Variants in CGREF1 observed in about 807,000 individuals in gnomAD.
CGREF1 encodes cell growth regulator with EF hand domain protein 1.
A neutral mutation model predicts 17.4 loss-of-function variants in CGREF1; 16 were observed. The ratio of observed to expected loss-of-function variants is 0.92; its 90% CI spans 0.62 to 1.40. The LOEUF (loss-of-function observed/expected upper bound fraction) is 1.40. CGREF1 is among the 40% of genes most tolerant of loss of function. The pLI is 0.00. For missense variants in CGREF1, 296 were observed against 376.4 expected, an observed-to-expected ratio of 0.79 and a Z score of 1.77; for synonymous variants, 142 against 154.6, an observed-to-expected ratio of 0.92 and a Z score of 0.61.
rs1405939174 is a variant in CGREF1 at position 27,101,325 on chromosome 2, G to A, written c.906C>T (p.Thr302=). 3 of 1,598,386 alleles carry A rather than the reference G, an allele frequency of 1.9e-6. No homozygotes were observed. The highest frequency in any genetic ancestry group is 2.2e-5 in the South Asian group (2 of 89,124). Residue 302 remains threonine (T), a synonymous_variant, in exon 6 of 6, where the codon ACC becomes ACT. Coordinates refer to ENST00000402394, the MANE Select transcript of CGREF1 (RefSeq NM_006569.6). ...LPGETLESKN[T]QNDFEVHIVQ... ...CAATGTGCACCTCAAAGTCATTTTG[G>A]GTGTTCTTAGACTCCAGTGTTTCCC...
chr2:27,116,907 CTCTCTCTCTCTCTCTCTT>C (rs1558466924), intron 1 of CGREF1, among the ~76,000 whole-genome samples: 1 of 116,230 alleles, frequency 8.6e-6, no homozygotes, highest in African/African-American at 3.3e-5. Context: ...CTCTCTCTCT[CTCTCTCTCTCTCTCTCTT>C]TTTTTGAGAC....
intron 1 of CGREF1, chr2:27,104,604 C>A: frequency 6.4e-7 from 1 of 1,550,616 alleles, no homozygotes; most frequent in Non-Finnish European, 8.7e-7. Context: ...TAAAGGCAGG[C>A]CTGCTGTGGC....
At chr2:27,099,707 C>A (rs1222467402), downstream of CGREF1, 5 of 1,613,966 alleles carry the variant, frequency 3.1e-6, no homozygotes. Context: ...TGCCAGGTGG[C>A]CGGCAAGAAG....
intron 1 of CGREF1, among the ~76,000 whole-genome samples, chr2:27,115,547 G>A (rs1194853294): frequency 6.6e-6 from 1 of 152,100 alleles, no homozygotes; most frequent in Non-Finnish European, 1.5e-5. Context: ...TAATATACAA[G>A]CCTTTTAGTG....
chr2:27,100,295 G>A (rs1055959708), downstream of CGREF1: 7 of 509,764 alleles, frequency 1.4e-5, no homozygotes, highest in African/African-American at 9.9e-5. Context: ...CCAGTGGGGG[G>A]CAGGGGTGCG....
chr2:27,100,253 G>A (rs1670731663), downstream of CGREF1: 3 of 391,524 alleles, frequency 7.7e-6, no homozygotes, highest in South Asian at 6.1e-5. Context: ...CTCAGAAGCT[G>A]GGAGTCCACA....
Position 27,101,068 on chromosome 2 carries a change from G to GT in CGREF1, c.*205_*206insA, listed in dbSNP as rs1553345087. On this transcript the variant is annotated 3_prime_UTR_variant, in exon 6 of 6. Coordinates refer to ENST00000402394, the MANE Select transcript of CGREF1 (RefSeq NM_006569.6). The stretch of plus-strand genomic sequence containing the variant: ...GGCAGGCTGGACGGGTAGAGAGGTG[G>GT]CCGGGGGGATGAATTCATTCAGTTC... The GT allele has an allele frequency of 5.9e-6, 8 of 1,348,382 alleles. No individual in the cohort carries two copies. In the African/African-American group the frequency reaches 1.0e-4, roughly 18 times the overall value. The allele number at this position is 1,348,382 out of a possible 1,614,324, so 83.5% of individuals were successfully genotyped here. A position where few individuals can be genotyped will look rare whatever the true frequency, so the allele number is the denominator to read the frequency against.
intron 1 of CGREF1, among the ~76,000 whole-genome samples, chr2:27,108,094 A>G (rs186728252): frequency 3.9e-5 from 6 of 152,048 alleles, no homozygotes; most frequent in Admixed American, 6.6e-5. Flanking sequence ...GTCTCTACTA[A>G]AAATACACAA....
chr2:27,112,459 A>G (rs1671426690), intron 1 of CGREF1, among the ~76,000 whole-genome samples: 1 of 152,228 alleles, frequency 6.6e-6, no homozygotes, highest in Non-Finnish European at 1.5e-5. Context: ...TAGTCTTACA[A>G]TCACTAAGGA....
chr2:27,110,123 C>T (rs1172209612), intron 1 of CGREF1, among the ~76,000 whole-genome samples: 9 of 151,882 alleles, frequency 5.9e-5, no homozygotes, highest in African/African-American at 1.2e-4. Context: ...TTTGGGAGGC[C>T]GAGGTGGGAG....
At chr2:27,116,911 CTCTCTCTCTCTCTT>C (rs1350960169) in intron 1 of CGREF1, among the ~76,000 whole-genome samples, 7 of 96,092 alleles carry the variant, frequency 7.3e-5, no homozygotes, top group African/African-American at 2.5e-4. Flanking sequence ...CTCTCTCTCT[CTCTCTCTCTCTCTT>C]TTTTTGAGAC....
chr2:27,105,565 GAGA>G (rs374642266), intron 1 of CGREF1, among the ~76,000 whole-genome samples: 365 of 116,528 alleles, frequency 3.1e-3, no homozygotes, highest in African/African-American at 0.011. Flanking sequence ...CTTTTTTTTT[GAGA>G]AGGAGTCCTG....
At chr2:27,102,725 C>G (rs1670951896) in intron 2 of CGREF1, 134 bp from the exon 3 acceptor site, 3 of 1,057,804 alleles carry the variant, frequency 2.8e-6, no homozygotes, top group Non-Finnish European at 4.0e-6. Flanking sequence ...TCCAAAAACC[C>G]TGTAGTGGGG....
In CGREF1 at chr2:27,102,082, T is replaced by C. The variant is rs561323942; in HGVS notation, c.342+15A>G. The C allele has an allele frequency of 4.1e-5, 65 of 1,595,482 alleles. No homozygotes were observed. Among genetic ancestry groups the C allele is most frequent in the Non-Finnish European group, 5.1e-5 (60 of 1,167,584 alleles). ...GGTCTCCTTTATGCGGGGATCTCCA[T>C]CCAGCAGAGCTTACCGGGTTGGTGG... On this transcript the variant is annotated intron_variant, in intron 5 of 5. Coordinates refer to ENST00000402394, the MANE Select transcript of CGREF1 (RefSeq NM_006569.6).
At chr2:27,099,555 C>T (rs771991153), downstream of CGREF1, 105 of 1,614,022 alleles carry the variant, frequency 6.5e-5, no homozygotes, top group Non-Finnish European at 8.7e-5. Flanking sequence ...TCAATGCCTC[C>T]GTCATCTTCA....
At chr2:27,116,438 A>G (rs998353664) in intron 1 of CGREF1, among the ~76,000 whole-genome samples, 3 of 151,534 alleles carry the variant, frequency 2.0e-5, no homozygotes, top group Admixed American at 1.3e-4. Context: ...GAGACACGAG[A>G]ATTGCTTGAA....
downstream of CGREF1, chr2:27,099,755 A>C (rs776398027): frequency 8.1e-6 from 13 of 1,613,608 alleles, no homozygotes; most frequent in East Asian, 2.7e-4. Context: ...GTGTGAGAGC[A>C]GGTGCCGGCT....
At chr2:27,112,876 G>T (rs1303054917) in intron 1 of CGREF1, among the ~76,000 whole-genome samples, 1 of 152,200 alleles carries the variant, frequency 6.6e-6, no homozygotes, top group African/African-American at 2.4e-5. Context: ...TGAAGGAATT[G>T]CCGCTAGTGT....
intron 1 of CGREF1, chr2:27,110,968 G>C (rs1195886760): frequency 6.6e-6 from 1 of 152,366 alleles, no homozygotes; most frequent in Non-Finnish European, 1.5e-5. Flanking sequence ...CAGGAGTAAA[G>C]CTGTAGACCT....
Sources: gnomAD v4.1 joint callset for allele counts (sites outside exome capture counted in the v4.1 genomes callset) on GRCh38, gnomAD v4.1.1 for gene constraint, MANE v1.5 for transcripts, NCBI Gene and HGNC (gene_info 2026-07-23, HGNC 2026-07-21) for gene names.